TRPV3: variants seen among roughly 807,000 people sequenced by gnomAD.
TRPV3 encodes the protein VRL-3.
TRPV3 carries 88 observed loss-of-function variants against 87.1 expected under a neutral mutation model. The ratio of observed to expected loss-of-function variants is 1.01; its 90% confidence interval spans 0.85 to 1.21. TRPV3 has a LOEUF of 1.21. Ranked by LOEUF, TRPV3 falls within the 50% of genes most tolerant of loss-of-function variation. TRPV3 has a pLI of 0.00. For synonymous variants in TRPV3, 438 were observed against 423.3 expected, an observed-to-expected ratio of 1.03 and a Z score of -0.43; for missense variants, 1,054 against 1,030.1, an observed-to-expected ratio of 1.02 and a Z score of -0.32.
In TRPV3 at chr17:3,524,280, G is replaced by A. The variant is rs1369210836; in HGVS notation, c.1661C>T (p.Ala554Val). 6.2e-6 allele frequency: 10 copies of A among 1,614,122 alleles called. No individual in the cohort carries two copies. The highest frequency in any genetic ancestry group is 8.5e-6 in the Non-Finnish European group (10 of 1,180,050). Residue 554 changes from alanine to valine, a missense_variant, in exon 13 of 18, where the codon GCC becomes GTC. Physicochemically the swap from Ala to Val is moderately conservative, Grantham distance 64. Coordinates refer to ENST00000576742, the MANE Select transcript of TRPV3 (RefSeq NM_145068.4). The part of the protein sequence containing the change: ...YKEYLACLVL[A>V]MALGWANMLY... Reference sequence around the variant, plus strand: ...CATGTTCGCCCAGCCCAGGGCCATGGCCAGCACGAGGCAGGCGAGGTACTC... The same window carrying A: ...CATGTTCGCCCAGCCCAGGGCCATGACCAGCACGAGGCAGGCGAGGTACTC...
intron 2 of TRPV3, 51 bp downstream of exon 2, chr17:3,554,681 C>T (rs758398382): frequency 1.4e-5 from 19 of 1,326,256 alleles, no homozygotes; most frequent in East Asian, 4.7e-5. Flanking sequence ...CAGGCCCCCA[C>T]TCGTGCCCCT....
intron 1 of TRPV3, among the ~76,000 whole-genome samples, chr17:3,555,245 G>A (rs916368077): frequency 6.6e-6 from 1 of 152,188 alleles, no homozygotes; most frequent in Non-Finnish European, 1.5e-5. Context: ...ACCCTCTCCA[G>A]CTGACCAGTC....
chr17:3,551,870 CTTTTTTTTTT>C (rs747932928), intron 2 of TRPV3, among the ~76,000 whole-genome samples: 39 of 43,352 alleles, frequency 9.0e-4, no homozygotes, highest in South Asian at 2.7e-3. Context: ...GTAATTTATT[CTTTTTTTTTT>C]TTTTTTTTTT....
intron 2 of TRPV3, chr17:3,546,655 G>A (rs748492090): frequency 3.9e-5 from 18 of 455,866 alleles, no homozygotes; most frequent in African/African-American, 6.0e-5. Context: ...CCAAGGTCAC[G>A]CAGCAGATAG....
intron 16 of TRPV3, 44 bp downstream of exon 16, chr17:3,516,413 C>T (rs781588929): frequency 6.7e-7 from 1 of 1,500,244 alleles, no homozygotes; most frequent in Non-Finnish European, 9.3e-7. Flanking sequence ...CCCTCTCTAC[C>T]CACCCCAAAG....
chr17:3,539,804 A>C (rs1350352494), intron 6 of TRPV3, among the ~76,000 whole-genome samples: 2 of 152,166 alleles, frequency 1.3e-5, no homozygotes, highest in African/African-American at 4.8e-5. Context: ...AGAATTGCTT[A>C]AAAAAGTAAA....
At chr17:3,537,046 A>G (rs969284550) in intron 6 of TRPV3, among the ~76,000 whole-genome samples, 3 of 152,220 alleles carry the variant, frequency 2.0e-5, no homozygotes, top group African/African-American at 4.8e-5. Flanking sequence ...GCAGGATCCA[A>G]AAGGCAGAAA....
Position 3,535,667 on chromosome 17 carries a change from G to C in TRPV3, c.690C>G (p.Ile230Met). The C allele has an allele frequency of 6.3e-7, 1 of 1,599,380 alleles. No individual in the cohort carries two copies. Among genetic ancestry groups the C allele is most frequent in the Non-Finnish European group, 8.5e-7 (1 of 1,174,714 alleles). ...NIAIERRQGD[I>M]AALLIAAGAD... The stretch of plus-strand genomic sequence containing the variant: ...CGCCGGCGGCGATGAGCAGGGCTGC[G>C]ATGTCCCCCTGCCGCCGCTCGATGG... Residue 230 changes from isoleucine to methionine, a missense_variant, in exon 7 of 18, where the codon ATC (isoleucine) becomes ATG (methionine). Coordinates refer to ENST00000576742, the MANE Select transcript of TRPV3 (RefSeq NM_145068.4).
At position 3,532,801 on chromosome 17, in the gene TRPV3, G is replaced by C; in HGVS notation, c.921C>G (p.Ala307=). The change falls in exon 8 of 18, where the codon GCC becomes GCG. Residue 307 remains alanine (A), a synonymous_variant. Coordinates refer to ENST00000576742, the MANE Select transcript of TRPV3 (RefSeq NM_145068.4). The part of the protein sequence containing the change: ...NNILHALVTV[A]EDFKTQNDFV... ...AGTCATTCTGCGTCTTGAAGTCCTC[G>C]GCCACGGTCACCAGGGCGTGAAGGA... is the stretch of plus-strand genomic sequence containing the variant. The C allele has an allele frequency of 6.2e-7, 1 of 1,614,230 alleles. No homozygotes were observed. Among genetic ancestry groups the C allele is most frequent in the Non-Finnish European group, 8.5e-7 (1 of 1,180,038 alleles).
At chr17:3,542,464 G>T (rs544684221) in intron 6 of TRPV3, 58 bp downstream of exon 6, 58 of 1,568,250 alleles carry the variant, frequency 3.7e-5, no homozygotes, top group African/African-American at 2.6e-4. Flanking sequence ...TGGCCCTGTG[G>T]CCCCATACCC....
In TRPV3 at chr17:3,544,673, T is replaced by C. The variant is rs756595316; in HGVS notation, c.225-8A>G. 1 of 1,603,904 alleles carries C rather than the reference T, an allele frequency of 6.2e-7. No homozygotes were observed. The highest frequency in any genetic ancestry group is 8.5e-7 in the Non-Finnish European group (1 of 1,175,286). On this transcript the variant is annotated splice_region_variant and splice_polypyrimidine_tract_variant and intron_variant, in intron 3 of 17. Coordinates refer to ENST00000576742, the MANE Select transcript of TRPV3 (RefSeq NM_145068.4). ...TCACAGTTACCAGAGATGCTGGAGG[T>C]GTTGGCAGGGGGAACAGAGAGGGTT...
At chr17:3,515,587 G>C (rs2074174371) in intron 16 of TRPV3, among the ~76,000 whole-genome samples, 1 of 152,074 alleles carries the variant, frequency 6.6e-6, no homozygotes, top group African/African-American at 2.4e-5. Context: ...CTTCAACCAG[G>C]GAGGCGGAGG....
At chr17:3,551,860 G>GTAATTTA (rs1288059135) in intron 2 of TRPV3, among the ~76,000 whole-genome samples, 3 of 73,378 alleles carry the variant, frequency 4.1e-5, no homozygotes, top group African/African-American at 3.6e-5. Flanking sequence ...TTCTTCACCT[G>GTAATTTA]TAATTTATTC....
rs373938286 is a variant in TRPV3 at position 3,530,245 on chromosome 17, G to T, written c.1066-42C>A. On this transcript the variant is annotated intron_variant, in intron 8 of 17. Transcript: ENST00000576742. The surrounding 1 kb of genome is among the most constrained non-coding windows in gnomAD (Gnocchi z 4.0). ...AACAACCATCAGCTGCAGAACAGGG[G>T]CTTAAGGCCAACAGGGCTGGACCAG... 1.3e-6 allele frequency: 2 copies of T among 1,580,916 alleles called. No homozygotes were observed. Among genetic ancestry groups the T allele is most frequent in the South Asian group, 1.2e-5 (1 of 84,686 alleles).
At chr17:3,542,167 G>A (rs2074469383) in intron 6 of TRPV3, among the ~76,000 whole-genome samples, 2 of 152,016 alleles carry the variant, frequency 1.3e-5, no homozygotes, top group Non-Finnish European at 2.9e-5. Flanking sequence ...ATGTTGGTCA[G>A]GCTGGTCTTG....
At chr17:3,541,797 A>G (rs2074464031) in intron 6 of TRPV3, among the ~76,000 whole-genome samples, 1 of 152,214 alleles carries the variant, frequency 6.6e-6, no homozygotes, top group Non-Finnish European at 1.5e-5. Context: ...TGTCGGCCTC[A>G]GGCCAAAGAT....
intron 8 of TRPV3, among the ~76,000 whole-genome samples, chr17:3,531,497 G>T (rs1027503513): frequency 1.3e-5 from 2 of 152,216 alleles, no homozygotes; most frequent in Non-Finnish European, 2.9e-5. Flanking sequence ...TGGAGGACAC[G>T]GAACAGAGGA....
intron 6 of TRPV3, among the ~76,000 whole-genome samples, chr17:3,540,642 C>T (rs2074449617): frequency 6.6e-6 from 1 of 152,174 alleles, no homozygotes; most frequent in Non-Finnish European, 1.5e-5. Context: ...TCCCTGCCCT[C>T]AAGGGAAACA....
chr17:3,546,335 G>A (rs939927517), intron 2 of TRPV3, among the ~76,000 whole-genome samples: 3 of 151,986 alleles, frequency 2.0e-5, no homozygotes, highest in African/African-American at 7.2e-5. Context: ...CCAGCTACTT[G>A]GGAGGCTGAG....
Sources: gnomAD v4.1 joint callset for allele counts (sites outside exome capture counted in the v4.1 genomes callset) on GRCh38, gnomAD v4.1.1 for gene constraint, Gnocchi (gnomAD v3.1) non-coding constraint, MANE v1.5 for transcripts, NCBI Gene and HGNC (gene_info 2026-07-23, HGNC 2026-07-21) for gene names.